B3GALT1: variants seen among roughly 807,000 people sequenced by gnomAD.
B3GALT1 encodes the protein beta-1,3-galactosyltransferase 1.
Under a neutral mutation model 23.2 loss-of-function variants are expected in B3GALT1, and 10 were observed. That is an observed-to-expected ratio of 0.43 (90% CI 0.27 to 0.73). The LOEUF (loss-of-function observed/expected upper bound fraction) is 0.73, where lower values mean the gene tolerates loss of function less well. Ranked by LOEUF, B3GALT1 falls within the 30% of genes least tolerant of loss-of-function variation. The probability of loss-of-function intolerance (pLI) is 0.21; values close to 1 mark genes in which losing one functional copy is unlikely to be tolerated. For missense variants in B3GALT1, 299 were observed against 405.4 expected (o/e 0.74, Z 2.25); for synonymous variants, 156 against 141.5 (o/e 1.10, Z -0.73).
At chr2:167,299,083 T>C (rs1379289203) in intron 1 of B3GALT1, among the ~76,000 whole-genome samples, 1 of 152,122 alleles carries the variant, frequency 6.6e-6, no homozygotes, top group Non-Finnish European at 1.5e-5. Context: ...GAAGAGATGG[T>C]TTATAACTGA....
chr2:167,495,963 A>C (rs926407479), intron 2 of B3GALT1, among the ~76,000 whole-genome samples: 1 of 152,208 alleles, frequency 6.6e-6, no homozygotes, highest in Admixed American at 6.5e-5. Context: ...GAACCTTTAA[A>C]TATAGGTACA....
intron 1 of B3GALT1, among the ~76,000 whole-genome samples, chr2:167,308,455 C>G (rs1456514658): frequency 6.6e-6 from 1 of 151,920 alleles, no homozygotes; most frequent in East Asian, 1.9e-4. Flanking sequence ...CTGTCATATA[C>G]TTTACTATGC....
intron 1 of B3GALT1, among the ~76,000 whole-genome samples, chr2:167,438,383 A>C (rs1202242948): frequency 6.6e-6 from 1 of 152,212 alleles, no homozygotes; most frequent in East Asian, 1.9e-4. Context: ...GACTCATGTC[A>C]GCTCAGTAGA....
chr2:167,605,693 G>T (rs765669202), intron 2 of B3GALT1, among the ~76,000 whole-genome samples: 2 of 152,234 alleles, frequency 1.3e-5, no homozygotes, highest in African/African-American at 4.8e-5. Flanking sequence ...GAGTTGGAAA[G>T]AATTTGCAGC....
chr2:167,741,557 C>T (rs1294463811), intron 3 of B3GALT1, among the ~76,000 whole-genome samples: 1 of 152,094 alleles, frequency 6.6e-6, no homozygotes, highest in Non-Finnish European at 1.5e-5. Flanking sequence ...TTGAAATTTG[C>T]ATACTTTTTA....
intron 1 of B3GALT1, among the ~76,000 whole-genome samples, chr2:167,316,820 A>G (rs1696727663): frequency 1.3e-5 from 2 of 152,106 alleles, no homozygotes; most frequent in Non-Finnish European, 2.9e-5. Context: ...ATCAGCTCCC[A>G]AATAAACTAC....
chr2:167,712,947 G>T (rs1000111165), intron 3 of B3GALT1, among the ~76,000 whole-genome samples: 1 of 152,184 alleles, frequency 6.6e-6, no homozygotes, highest in Non-Finnish European at 1.5e-5. Context: ...AAAATACCAT[G>T]TCAAGGGGTG....
chr2:167,870,092 G>T lies in B3GALT1; in HGVS notation c.*72G>T. 2.1e-6 allele frequency: 3 copies of T among 1,439,674 alleles called. No individual in the cohort carries two copies. Among genetic ancestry groups the T allele is most frequent in the Non-Finnish European group, 2.8e-6 (3 of 1,077,590 alleles). 89.2% of individuals were successfully genotyped at this position (1,439,674 alleles called of 1,614,324 possible). A position where few individuals can be genotyped will look rare whatever the true frequency, so the allele number is the denominator to read the frequency against. On this transcript the variant is annotated 3_prime_UTR_variant, in exon 5 of 5. Coordinates refer to ENST00000392690, the MANE Select transcript of B3GALT1 (RefSeq NM_020981.4). Reference sequence around the variant, plus strand: ...GGACCTAAGGTGTTGGTATTTTCCAGGTGTCGGGGGAAATGAACTGGTGAA... The same window carrying T: ...GGACCTAAGGTGTTGGTATTTTCCATGTGTCGGGGGAAATGAACTGGTGAA...
chr2:167,775,888 A>G (rs1010151963), intron 3 of B3GALT1, among the ~76,000 whole-genome samples: 3 of 152,164 alleles, frequency 2.0e-5, no homozygotes, highest in African/African-American at 7.2e-5. Context: ...TACTCCGGGA[A>G]CTGTCAAAAG....
intron 3 of B3GALT1, among the ~76,000 whole-genome samples, chr2:167,767,572 C>CA (rs1031475558): frequency 5.3e-5 from 8 of 152,054 alleles, no homozygotes; most frequent in Admixed American, 1.3e-4. Context: ...TGTATTTGTG[C>CA]AAAAAAATAT....
At chr2:167,330,722 C>T (rs891667145) in intron 1 of B3GALT1, among the ~76,000 whole-genome samples, 1 of 152,156 alleles carries the variant, frequency 6.6e-6, no homozygotes, top group South Asian at 2.1e-4. Flanking sequence ...GTAAATTTCT[C>T]ATTCATATTC....
At chr2:167,509,945 A>G (rs1040602106) in intron 2 of B3GALT1, among the ~76,000 whole-genome samples, 7 of 152,176 alleles carry the variant, frequency 4.6e-5, no homozygotes, top group African/African-American at 1.7e-4. Flanking sequence ...AAAACAAAAG[A>G]AAGTGCCAGA....
intron 2 of B3GALT1, among the ~76,000 whole-genome samples, chr2:167,505,920 C>T (rs964522607): frequency 6.6e-6 from 1 of 151,942 alleles, no homozygotes; most frequent in Non-Finnish European, 1.5e-5. Flanking sequence ...ATTAGCTGGG[C>T]GTGGTGGCGG....
In B3GALT1 at chr2:167,714,935, T is replaced by G. The variant is rs1321695233; in HGVS notation, c.-352+67969T>G. ...CATTATTTTAAGTTTCTGTTGAAGC[T>G]TCTGATTCTCACTTTCAAAATATAT... On this transcript the variant is annotated intron_variant, in intron 3 of 4. Coordinates refer to ENST00000392690, the MANE Select transcript of B3GALT1 (RefSeq NM_020981.4). The G allele has an allele frequency of 3.7e-6, 6 of 1,611,534 alleles. No individual in the cohort carries two copies. In the East Asian group the frequency reaches 1.1e-4, roughly 30 times the overall value.
At chr2:167,686,694 C>T (rs1338062570) in intron 3 of B3GALT1, among the ~76,000 whole-genome samples, 1 of 152,208 alleles carries the variant, frequency 6.6e-6, no homozygotes, top group East Asian at 1.9e-4. Context: ...ATTTCGTGCT[C>T]ATGCCAACAT....
intron 4 of B3GALT1, among the ~76,000 whole-genome samples, chr2:167,825,283 C>CAAAAAAAAAAAAAAA (rs71963760): frequency 7.3e-5 from 6 of 82,212 alleles, no homozygotes; most frequent in African/African-American, 3.0e-4. Context: ...GACTCCGTCT[C>CAAAAAAAAAAAAAAA]AAAAAAAAAA....
intron 1 of B3GALT1, among the ~76,000 whole-genome samples, chr2:167,314,575 A>G (rs762020653): frequency 1.3e-5 from 2 of 152,186 alleles, no homozygotes; most frequent in Non-Finnish European, 2.9e-5. Flanking sequence ...GAAAATATTC[A>G]AAACTGTGAA....
At position 167,686,824 on chromosome 2, in the gene B3GALT1, A is replaced by C. The variant is rs2105497713; in HGVS notation, c.-352+39858A>C. ...AACTTGTGGGTACTGACTATTCTTC[A>C]CGTAGAGCCACTGCTTTCTCTCTCT... is the stretch of plus-strand genomic sequence containing the variant. On this transcript the variant is annotated intron_variant, in intron 3 of 4. Transcript: ENST00000392690. 2.0e-5 allele frequency among the ~76,000 whole-genome samples: 3 copies of C among 152,258 alleles called. No homozygotes were observed. The Middle Eastern group carries it at 0.01, about 518-fold the overall frequency.
At chr2:167,370,974 A>G (rs566511105) in intron 1 of B3GALT1, among the ~76,000 whole-genome samples, 30 of 152,318 alleles carry the variant, frequency 2.0e-4, no homozygotes, top group African/African-American at 7.2e-4. Context: ...CAATTGCATG[A>G]AACAATAAAA....
Sources: gnomAD v4.1 joint callset for allele counts (sites outside exome capture counted in the v4.1 genomes callset) on GRCh38, gnomAD v4.1.1 for gene constraint, MANE v1.5 for transcripts, NCBI Gene and HGNC (gene_info 2026-07-23, HGNC 2026-07-21) for gene names.